Variants in PLEKHG1 observed in about 807,000 individuals in gnomAD.
PLEKHG1 encodes pleckstrin homology and RhoGEF domain containing G1, also known as pleckstrin homology domain-containing family G member 1.
PLEKHG1 carries 44 observed loss-of-function variants against 100.8 expected under a neutral mutation model. That is an observed-to-expected ratio of 0.44 (90% confidence interval 0.34 to 0.56). The LOEUF (loss-of-function observed/expected upper bound fraction) is 0.56. PLEKHG1 is among the 20% of genes least tolerant of loss of function. The pLI, the probability that PLEKHG1 is intolerant of heterozygous loss-of-function variation, is 0.01. For missense variants in PLEKHG1, 1,545 were observed against 1,720.9 expected, an observed-to-expected ratio of 0.90 and a Z score of 1.81; for synonymous variants, 640 against 662.5, an observed-to-expected ratio of 0.97 and a Z score of 0.52.
At chr6:150,841,087 G>GT in exon 16 of PLEKHG1, 1 of 695,374 alleles carries the variant, frequency 1.4e-6, no homozygotes, top group South Asian at 1.5e-5. Context: ...TGTAGCACAT[G>GT]TTGGCATCAA....
chr6:150,790,386 T>A (rs561209797), intron 4 of PLEKHG1, among the ~76,000 whole-genome samples: 1 of 152,332 alleles, frequency 6.6e-6, no homozygotes, highest in East Asian at 1.9e-4. Context: ...TAGACTTTTT[T>A]AAATACCATG....
At chr6:150,838,187 T>G (rs1056476804) in intron 15 of PLEKHG1, among the ~76,000 whole-genome samples, 1 of 152,154 alleles carries the variant, frequency 6.6e-6, no homozygotes, top group Non-Finnish European at 1.5e-5. Context: ...TGTAAATAGC[T>G]TAAAGAAGAA....
At chr6:150,673,014 TAAAC>T (rs756873355) in intron 3 of PLEKHG1, among the ~76,000 whole-genome samples, 2 of 152,226 alleles carry the variant, frequency 1.3e-5, no homozygotes, top group African/African-American at 4.8e-5. Flanking sequence ...TTGCATTATA[TAAAC>T]AAACACCTAC....
chr6:150,834,911 T>C (rs1361740530), intron 15 of PLEKHG1, among the ~76,000 whole-genome samples: 2 of 152,246 alleles, frequency 1.3e-5, no homozygotes, highest in Admixed American at 6.5e-5. Flanking sequence ...CCACTTCCTG[T>C]GCCCACTAGG....
intron 5 of PLEKHG1, among the ~76,000 whole-genome samples, chr6:150,799,975 G>A (rs752687399): frequency 1.3e-4 from 20 of 152,286 alleles, no homozygotes; most frequent in Non-Finnish European, 2.1e-4. Context: ...AGATGTTTTC[G>A]TCTGTGCTCA....
intron 1 of PLEKHG1, among the ~76,000 whole-genome samples, chr6:150,611,844 A>G (rs75020923): frequency 6.6e-6 from 1 of 151,894 alleles, no homozygotes; most frequent in East Asian, 1.9e-4. Flanking sequence ...AAATAATGAC[A>G]TTTCTCATAG....
intron 15 of PLEKHG1, among the ~76,000 whole-genome samples, chr6:150,835,281 C>T (rs1278830460): frequency 6.6e-6 from 1 of 152,148 alleles, no homozygotes; most frequent in Non-Finnish European, 1.5e-5. Context: ...CTTTGGGTTT[C>T]TGGGTTTTTT....
chr6:150,734,716 G>A lies in PLEKHG1; in HGVS notation c.411+624G>A, dbSNP rs576925070. The stretch of plus-strand genomic sequence containing the variant: ...AAAGTCGTGGGCTTTGTCTTGTCTC[G>A]TGTCTCCTTTCTGTTCACTTTTACA... On this transcript the variant is annotated intron_variant, in intron 2 of 15. Coordinates refer to ENST00000358517, the Ensembl canonical transcript of PLEKHG1. 2.2e-4 allele frequency among the ~76,000 whole-genome samples: 34 copies of A among 152,246 alleles called. No homozygotes were observed. The South Asian group carries it at 3.5e-3, about 16-fold the overall frequency.
chr6:150,770,760 T>C (rs1239201652), intron 3 of PLEKHG1, among the ~76,000 whole-genome samples: 2 of 152,228 alleles, frequency 1.3e-5, no homozygotes, highest in East Asian at 3.9e-4. Flanking sequence ...TAAAATCCTG[T>C]GAGCCCCTGC....
chr6:150,747,164 A>C (rs968974626), intron 2 of PLEKHG1, among the ~76,000 whole-genome samples: 3 of 152,264 alleles, frequency 2.0e-5, no homozygotes, highest in Non-Finnish European at 4.4e-5. Context: ...GCCATCTTGA[A>C]TATTCAATTA....
At chr6:150,800,936 G>A (rs745598621) in intron 6 of PLEKHG1, 67 bp downstream of exon 7, 11 of 1,351,014 alleles carry the variant, frequency 8.1e-6, no homozygotes, top group Non-Finnish European at 1.2e-5. Flanking sequence ...ATTAAGTTTG[G>A]TGGAAAATAC....
chr6:150,754,642 CTT>C (rs1318316910), intron 2 of PLEKHG1, among the ~76,000 whole-genome samples: 1 of 150,120 alleles, frequency 6.7e-6, no homozygotes, highest in Non-Finnish European at 1.5e-5. Flanking sequence ...GTCTTGGAAA[CTT>C]TTAGATGGCA....
chr6:150,652,163 TG>T (rs1778772229), intron 3 of PLEKHG1: 1 of 152,204 alleles, frequency 6.6e-6, no homozygotes, highest in Admixed American at 6.5e-5. Flanking sequence ...TGTTGGTTCT[TG>T]AAAAACCACA....
At chr6:150,645,587 C>CA (rs1445727978) in intron 2 of PLEKHG1, among the ~76,000 whole-genome samples, 1 of 152,086 alleles carries the variant, frequency 6.6e-6, no homozygotes, top group African/African-American at 2.4e-5. Context: ...AGAAAATGGG[C>CA]AAAATGCATG....
At chr6:150,624,394 C>A (rs1301029837) in intron 1 of PLEKHG1, among the ~76,000 whole-genome samples, 2 of 152,170 alleles carry the variant, frequency 1.3e-5, no homozygotes, top group Admixed American at 1.3e-4. Context: ...ACACTCGAGC[C>A]CCATGAGTAA....
At chr6:150,781,659 A>G (rs893119458) in intron 3 of PLEKHG1, among the ~76,000 whole-genome samples, 4 of 152,214 alleles carry the variant, frequency 2.6e-5, no homozygotes, top group African/African-American at 9.6e-5. Flanking sequence ...CTATAAAAGA[A>G]AATGATATAA....
At chr6:150,628,920 T>A (rs1027947810) in intron 1 of PLEKHG1, among the ~76,000 whole-genome samples, 4 of 152,132 alleles carry the variant, frequency 2.6e-5, no homozygotes, top group Non-Finnish European at 5.9e-5. Flanking sequence ...ATAGAGAAGT[T>A]CATCCACGAG....
intron 3 of PLEKHG1, among the ~76,000 whole-genome samples, chr6:150,665,065 A>T (rs1779345620): frequency 6.6e-6 from 1 of 152,156 alleles, no homozygotes; most frequent in African/African-American, 2.4e-5. Context: ...TGGGGTATTT[A>T]GTGCCCGAGT....
intron 1 of PLEKHG1, among the ~76,000 whole-genome samples, chr6:150,721,440 A>C (rs897653236): frequency 6.6e-6 from 1 of 152,176 alleles, no homozygotes; most frequent in Non-Finnish European, 1.5e-5. Context: ...CCTGTCTTCA[A>C]TAGTTTTTGT....
Sources: gnomAD v4.1 joint callset for allele counts (sites outside exome capture counted in the v4.1 genomes callset) on GRCh38, gnomAD v4.1.1 for gene constraint, MANE v1.5 for transcripts, NCBI Gene and HGNC (gene_info 2026-07-23, HGNC 2026-07-21) for gene names.